Variants in PLA2G2F observed in about 807,000 individuals in gnomAD.
PLA2G2F encodes phospholipase A2 group IIF, also known as group IIF secretory phospholipase A2.
PLA2G2F carries 17 observed loss-of-function variants against 15.9 expected under a neutral mutation model. That is an observed-to-expected ratio of 1.07 (90% CI 0.73 to 1.60). The LOEUF is 1.60. Ranked by LOEUF, PLA2G2F falls within the 40% of genes most tolerant of loss-of-function variation. The probability of loss-of-function intolerance (pLI) is 0.00; values close to 1 mark genes in which losing one functional copy is unlikely to be tolerated. For missense variants in PLA2G2F, 299 were observed against 278.2 expected, an observed-to-expected ratio of 1.07 and a Z score of -0.53; for synonymous variants, 119 against 106.5, an observed-to-expected ratio of 1.12 and a Z score of -0.72.
Position 20,148,428 on chromosome 1 carries a change from G to A in PLA2G2F, c.*27G>A, listed in dbSNP as rs756711498. 8.9e-6 allele frequency: 14 copies of A among 1,579,870 alleles called. No individual in the cohort carries two copies. Among genetic ancestry groups the A allele is most frequent in the East Asian group, 2.2e-5 (1 of 44,692 alleles). On this transcript the variant is annotated 3_prime_UTR_variant, in exon 5 of 5. Transcript: ENST00000375102. ...GCCTCTGAGGTTTGAGAGAGAGAGC[G>A]GGAGGAGGGTCTGGCTTGGGGACCA...
At position 20,143,579 on chromosome 1, in the gene PLA2G2F, T is replaced by G. The variant is rs766734094; in HGVS notation, c.303T>G (p.Asp101Glu). The change falls in exon 3 of 5, where the codon GAT becomes GAG. Residue 101 changes from aspartate (D) to glutamate (E), a missense_variant. Asp to Glu is a conservative substitution (Grantham distance 45). Transcript: ENST00000375102. ...TGGGGGGCCGTGGCCAGCCCAAGGA[T>G]GAGGTGGACTGGTAGGTACCAGAGG... ...CGLGGRGQPKDEVDWCCHAHD... is the reference protein window; with the variant it reads ...CGLGGRGQPKEEVDWCCHAHD... The G allele has an allele frequency of 5.0e-6, 8 of 1,613,680 alleles. 1 individual carries two copies. The South Asian group carries it at 6.6e-5, about 13-fold the overall frequency.
chr1:20,143,865 A>C, intron 3 of PLA2G2F: 16 of 347,332 alleles, frequency 4.6e-5, no homozygotes, highest in Non-Finnish European at 5.9e-5. Context: ...CAAAACACAC[A>C]TGGGAGAGCA....
At chr1:20,140,561 CTATGTGTGTG>C (rs2017437184) in intron 2 of PLA2G2F, 1 of 285,428 alleles carries the variant, frequency 3.5e-6, no homozygotes. Context: ...GCACAGGCAT[CTATGTGTGTG>C]TAGGTGTGTC....
intron 4 of PLA2G2F, 68 bp from the exon 5 acceptor site, chr1:20,148,122 C>T: frequency 1.5e-6 from 2 of 1,311,904 alleles, no homozygotes; most frequent in South Asian, 2.4e-5. Context: ...CTCCCCTTCC[C>T]CAGCAGTAGT....
At chr1:20,147,734 G>A (rs1360218541) in intron 4 of PLA2G2F, among the ~76,000 whole-genome samples, 2 of 152,194 alleles carry the variant, frequency 1.3e-5, no homozygotes, top group Non-Finnish European at 2.9e-5. Flanking sequence ...ACAGGCGTAA[G>A]CCACTGCGCC....
chr1:20,140,204 T>A lies in PLA2G2F; in HGVS notation c.155T>A (p.Ile52Asn), dbSNP rs956690236. The A allele has an allele frequency of 3.1e-6, 5 of 1,613,770 alleles. No individual in the cohort carries two copies. The African/African-American group carries it at 6.7e-5, about 22-fold the overall frequency. The change falls in exon 2 of 5, where the codon ATC (isoleucine) becomes AAC (asparagine). Residue 52 changes from isoleucine (I) to asparagine (N), a missense_variant. Transcript: ENST00000375102. ...ATGAAGAAGTTCTTCACCGTGGCCA[T>A]CCTTGCTGGCAGCGGTGAGTAAAGA... ...LGMKKFFTVA[I>N]LAGSVLSTAH...
At chr1:20,140,475 G>T (rs571295548) in intron 2 of PLA2G2F, 2 of 491,358 alleles carry the variant, frequency 4.1e-6, no homozygotes, top group Non-Finnish European at 7.3e-6. Context: ...GCTGGTGTTG[G>T]CTGGGCATTT....
At position 20,148,482 on chromosome 1, in the gene PLA2G2F, G is replaced by C; in HGVS notation, c.*81G>C. 8.1e-7 allele frequency: 1 copy of C among 1,231,856 alleles called. No individual in the cohort carries two copies. Among genetic ancestry groups the C allele is most frequent in the East Asian group, 2.4e-5 (1 of 42,142 alleles). 76.3% of individuals were successfully genotyped at this position (1,231,856 alleles called of 1,614,324 possible). On this transcript the variant is annotated 3_prime_UTR_variant, in exon 5 of 5. Coordinates refer to ENST00000375102, the MANE Select transcript of PLA2G2F (RefSeq NM_022819.4). Reference sequence around the variant, plus strand: ...GAGGTGCAGGGAGGGTAGGAGCCAGGCCAGGAGCCTGAGGGTTGCTGGTTG... The same window carrying C: ...GAGGTGCAGGGAGGGTAGGAGCCAGCCCAGGAGCCTGAGGGTTGCTGGTTG...
intron 4 of PLA2G2F, among the ~76,000 whole-genome samples, chr1:20,144,906 G>A (rs113099047): frequency 4.6e-5 from 7 of 152,296 alleles, no homozygotes; most frequent in South Asian, 2.1e-4. Flanking sequence ...GTGAAAACCC[G>A]TCGCTAGTAA....
At chr1:20,147,752 A>C (rs750186801) in intron 4 of PLA2G2F, among the ~76,000 whole-genome samples, 9 of 152,286 alleles carry the variant, frequency 5.9e-5, no homozygotes, top group Non-Finnish European at 1.3e-4. Context: ...GCCCGGCAAT[A>C]ACTCCCTCTT....
At chr1:20,139,621 C>T in intron 1 of PLA2G2F, 78 bp downstream of exon 1, 1 of 1,142,754 alleles carries the variant, frequency 8.8e-7, no homozygotes, top group African/African-American at 1.6e-5. Flanking sequence ...CCTAGAATCC[C>T]TTTCTCCTAA....
rs892772256 is a variant in PLA2G2F at position 20,148,564 on chromosome 1, T to C, written c.*163T>C. The stretch of plus-strand genomic sequence containing the variant: ...AGCTCTCAGAGGACTCAGGAAGGCC[T>C]GGGTCCTGACTCCCCCAGCCCAGCC... On this transcript the variant is annotated 3_prime_UTR_variant, in exon 5 of 5. Coordinates refer to ENST00000375102, the MANE Select transcript of PLA2G2F (RefSeq NM_022819.4). The C allele has an allele frequency of 2.4e-5, 15 of 630,644 alleles. 1 individual carries two copies. The African/African-American group carries it at 2.6e-4, about 11-fold the overall frequency. The allele number at this position is 630,644 out of a possible 1,614,324, so 39.1% of individuals were successfully genotyped here.
Position 20,148,042 on chromosome 1 carries a change from C to T in PLA2G2F, c.425-148C>T, listed in dbSNP as rs532101831. The stretch of plus-strand genomic sequence containing the variant: ...GACCTTGTAAGCGTGGGGTGGGGCC[C>T]GTGGGTGGTGCTGGTCCTGCCGCCC... On this transcript the variant is annotated intron_variant, in intron 4 of 4. Transcript: ENST00000375102. The T allele has an allele frequency of 5.6e-4, 381 of 680,110 alleles. 1 individual carries two copies. The highest frequency in any genetic ancestry group is 1.9e-3 in the Admixed American group (82 of 44,164). The allele number at this position is 680,110 out of a possible 1,614,324, so 42.1% of individuals were successfully genotyped here.
intron 2 of PLA2G2F, chr1:20,141,368 GGTAT>G (rs1189856631): frequency 2.0e-5 from 3 of 152,452 alleles, no homozygotes; most frequent in African/African-American, 4.8e-5. Flanking sequence ...GAGTGTATCA[GGTAT>G]GTATGTGTGA....
chr1:20,147,111 G>A (rs149087293), intron 4 of PLA2G2F, among the ~76,000 whole-genome samples: 2 of 152,284 alleles, frequency 1.3e-5, no homozygotes, highest in African/African-American at 4.8e-5. Flanking sequence ...TTTGCAGACC[G>A]ATCAAGCTAG....
intron 3 of PLA2G2F, 105 bp from the exon 4 acceptor site, chr1:20,144,475 G>A (rs1223862462): frequency 7.3e-6 from 6 of 826,486 alleles, no homozygotes; most frequent in Non-Finnish European, 1.2e-5. Flanking sequence ...GCTTCAGTTC[G>A]AACGTTTGAC....
chr1:20,143,336 ACCTAC>A (rs2017515203), intron 2 of PLA2G2F, 105 bp from the exon 3 acceptor site: 1 of 1,384,724 alleles, frequency 7.2e-7, no homozygotes, highest in Non-Finnish European at 9.8e-7. Context: ...TCCTTCTCCC[ACCTAC>A]CCTAGGTATT....
rs558840809 is a variant in PLA2G2F, at chr1:20,148,650, G to A, written c.*249G>A. ...TGGGTGGGAGGCACGGAGCTTATAG[G>A]GGTCTCTCCTGAGGGTGGCCGGGGA... On this transcript the variant is annotated 3_prime_UTR_variant, in exon 5 of 5. Coordinates refer to ENST00000375102, the MANE Select transcript of PLA2G2F (RefSeq NM_022819.4). 5.3e-6 allele frequency: 3 copies of A among 563,490 alleles called. No individual in the cohort carries two copies. The highest frequency in any genetic ancestry group is 3.1e-5 in the Admixed American group (1 of 32,558). The allele number at this position is 563,490 out of a possible 1,614,324, so 34.9% of individuals were successfully genotyped here.
Position 20,148,265 on chromosome 1 carries a change from A to T in PLA2G2F, c.500A>T (p.Gln167Leu), listed in dbSNP as rs1190604916. The change falls in exon 5 of 5, where the codon CAG becomes CTG. Residue 167 changes from glutamine (Q) to leucine (L), a missense_variant. Physicochemically the swap from Gln to Leu is moderately radical, Grantham distance 113 (BLOSUM62 -2). Transcript: ENST00000375102. ...AACATGGTTCTGTGCCTCATGAACC[A>T]GACGTACCGAGAGGAGTACCGTGGC... is the stretch of plus-strand genomic sequence containing the variant. Reference protein sequence around the residue: ...DKNMVLCLMNQTYREEYRGFL... With the variant: ...DKNMVLCLMNLTYREEYRGFL... 1 of 1,613,970 alleles carries T rather than the reference A, an allele frequency of 6.2e-7. No homozygotes were observed. Among genetic ancestry groups the T allele is most frequent in the Non-Finnish European group, 8.5e-7 (1 of 1,180,006 alleles).
Sources: gnomAD v4.1 joint callset for allele counts (sites outside exome capture counted in the v4.1 genomes callset) on GRCh38, gnomAD v4.1.1 for gene constraint, MANE v1.5 for transcripts, NCBI Gene and HGNC (gene_info 2026-07-23, HGNC 2026-07-21) for gene names.